ACP3: variants seen among roughly 807,000 people sequenced by gnomAD.
ACP3 encodes the protein prostatic acid phosphatase.
A neutral mutation model predicts 45.6 loss-of-function variants in ACP3; 38 were observed. The observed-to-expected ratio is 0.83, with a 90% CI of 0.64 to 1.09. ACP3 has a LOEUF of 1.09. ACP3 is among the 50% of genes least tolerant of loss of function. The probability of loss-of-function intolerance (pLI) is 0.00; values close to 1 mark genes in which losing one functional copy is unlikely to be tolerated. For synonymous variants in ACP3, 162 were observed against 164.7 expected (o/e 0.98, Z 0.13); for missense variants, 466 against 463.2 (o/e 1.01, Z -0.05).
At chr3:132,360,932 C>T (rs913624108), downstream of ACP3, among the ~76,000 whole-genome samples, 4 of 152,170 alleles carry the variant, frequency 2.6e-5, no homozygotes, top group Non-Finnish European at 5.9e-5. Flanking sequence ...ACATGTCCAG[C>T]CCTGCATACC....
At chr3:132,328,203 T>C (rs1937333489) in intron 1 of ACP3, 64 bp from the exon 2 acceptor site, 4 of 1,310,688 alleles carry the variant, frequency 3.1e-6, no homozygotes, top group East Asian at 2.4e-5. Flanking sequence ...AAAACTATTA[T>C]AATGAGCAGA....
intron 9 of ACP3, among the ~76,000 whole-genome samples, chr3:132,354,187 C>T (rs1559842413): frequency 6.6e-6 from 1 of 152,140 alleles, no homozygotes; most frequent in African/African-American, 2.4e-5. Context: ...TTAATAAATC[C>T]AACCAAATTC....
chr3:132,332,508 T>A, intron 4 of ACP3, 164 bp downstream of exon 4: 1 of 854,552 alleles, frequency 1.2e-6, no homozygotes, highest in Non-Finnish European at 1.7e-6. Context: ...TGGAAAACCC[T>A]AGCTAAGAGA....
rs538312809 is a variant in ACP3, at chr3:132,358,567, T to A, written c.*1689T>A. ...AGATGGTTTCTACTGGCTGCCAGAA[T>A]CTAGAGCAAAGCCATCCCCGCTCCT... is the stretch of plus-strand genomic sequence containing the variant. On this transcript the variant is annotated 3_prime_UTR_variant, in exon 10 of 10. Coordinates refer to ENST00000336375, the MANE Select transcript of ACP3 (RefSeq NM_001099.5). 1 of 1,148,342 alleles carries A rather than the reference T, an allele frequency of 8.7e-7. No individual in the cohort carries two copies. Among genetic ancestry groups the A allele is most frequent in the Admixed American group, 3.1e-5 (1 of 32,444 alleles). The allele number at this position is 1,148,342 out of a possible 1,614,324, so 71.1% of individuals were successfully genotyped here. A position where few individuals can be genotyped will look rare whatever the true frequency, so the allele number is the denominator to read the frequency against.
At chr3:132,359,535 T>C (rs1331125869), downstream of ACP3, among the ~76,000 whole-genome samples, 5 of 151,272 alleles carry the variant, frequency 3.3e-5, no homozygotes, top group Admixed American at 1.3e-4. Flanking sequence ...ATAAATAAAT[T>C]TGTTACCTTT....
At chr3:132,348,450 G>A (rs1937642643) in intron 7 of ACP3, among the ~76,000 whole-genome samples, 1 of 152,072 alleles carries the variant, frequency 6.6e-6, no homozygotes, top group African/African-American at 2.4e-5. Flanking sequence ...CAGAGCCTGA[G>A]GATAATCATG....
At chr3:132,364,751 T>C (rs1938102138) in intron 10 of ACP3, among the ~76,000 whole-genome samples, 1 of 152,184 alleles carries the variant, frequency 6.6e-6, no homozygotes, top group African/African-American at 2.4e-5. Context: ...GCTCACCACA[T>C]GTCTAGAAAG....
At position 132,357,073 on chromosome 3, in the gene ACP3, A is replaced by G. The variant is rs1937924011; in HGVS notation, c.*195A>G. On this transcript the variant is annotated 3_prime_UTR_variant, in exon 10 of 10. Coordinates refer to ENST00000336375, the MANE Select transcript of ACP3 (RefSeq NM_001099.5). ...CCTGCCCCCACTTGCCATAAAACTT[A>G]GCTAAGTTTTGTTTTGTTTTTCAGC... The G allele has an allele frequency of 7.5e-7, 1 of 1,331,518 alleles. No individual in the cohort carries two copies. Among genetic ancestry groups the G allele is most frequent in the African/African-American group, 1.5e-5 (1 of 67,582 alleles). 82.5% of individuals were successfully genotyped at this position (1,331,518 alleles called of 1,614,324 possible). A position where few individuals can be genotyped will look rare whatever the true frequency, so the allele number is the denominator to read the frequency against.
rs1937401588 is a variant in ACP3 at position 132,331,704 on chromosome 3, T to A, written c.274T>A (p.Phe92Ile). 1 of 1,608,732 alleles carries A rather than the reference T, an allele frequency of 6.2e-7. No individual in the cohort carries two copies. The highest frequency in any genetic ancestry group is 1.7e-5 in the Admixed American group (1 of 58,794). Residue 92 changes from phenylalanine to isoleucine, a missense_variant, in exon 3 of 10, where the codon TTC (phenylalanine) becomes ATC (isoleucine). Phe to Ile is a conservative substitution (Grantham distance 21, BLOSUM62 0). Coordinates refer to ENST00000336375, the MANE Select transcript of ACP3 (RefSeq NM_001099.5). Reference protein sequence around the residue: ...GEYIRKRYRKFLNESYKHEQV... With the variant: ...GEYIRKRYRKILNESYKHEQV... ...GTATATAAGAAAGAGATATAGAAAA[T>A]TCTTGAATGAGTCCTATAAACATGA...
At chr3:132,350,080 T>A in intron 8 of ACP3, 78 bp downstream of exon 8, 1 of 1,027,228 alleles carries the variant, frequency 9.7e-7, no homozygotes, top group East Asian at 2.4e-5. Flanking sequence ...CATCTTTTTT[T>A]AATCTTCATT....
intron 7 of ACP3, among the ~76,000 whole-genome samples, chr3:132,349,189 T>TA (rs1338064832): frequency 2.0e-5 from 3 of 152,158 alleles, no homozygotes; most frequent in Non-Finnish European, 2.9e-5. Flanking sequence ...ATAGGATAAA[T>TA]ACTGTAAGCT....
chr3:132,333,874 C>T (rs1245092358), intron 4 of ACP3, among the ~76,000 whole-genome samples: 1 of 152,126 alleles, frequency 6.6e-6, no homozygotes, highest in Non-Finnish European at 1.5e-5. Context: ...AGTTCGAGAC[C>T]AGCCTGGCTA....
chr3:132,350,896 G>C (rs979951224), intron 8 of ACP3, among the ~76,000 whole-genome samples: 8 of 152,114 alleles, frequency 5.3e-5, no homozygotes, highest in Non-Finnish European at 1.2e-4. Flanking sequence ...GGTGTAGAAA[G>C]CTTTTGTGAT....
chr3:132,325,515 C>T (rs1464407394), intron 1 of ACP3, among the ~76,000 whole-genome samples: 1 of 151,156 alleles, frequency 6.6e-6, no homozygotes, highest in Admixed American at 6.6e-5. Context: ...AACCTCAGTT[C>T]TATTCTTTCA....
intron 4 of ACP3, among the ~76,000 whole-genome samples, chr3:132,333,251 G>A (rs183917098): frequency 7.2e-5 from 11 of 152,332 alleles, no homozygotes; most frequent in Admixed American, 6.5e-4. Flanking sequence ...TGTTTACACA[G>A]GTTGGGACCG....
Position 132,357,330 on chromosome 3 carries a change from G to A in ACP3, c.*452G>A. 1.0e-6 allele frequency: 1 copy of A among 985,782 alleles called. No individual in the cohort carries two copies. The highest frequency in any genetic ancestry group is 1.2e-6 in the Non-Finnish European group (1 of 830,202). The allele number at this position is 985,782 out of a possible 1,614,324, so 61.1% of individuals were successfully genotyped here. A position where few individuals can be genotyped will look rare whatever the true frequency, so the allele number is the denominator to read the frequency against. The stretch of plus-strand genomic sequence containing the variant: ...GATGGGAACAAGGAAGGAAAGATGT[G>A]AATAGGCTGATGGGCAAAAAACCAA... On this transcript the variant is annotated 3_prime_UTR_variant, in exon 10 of 10. Coordinates refer to ENST00000336375, the MANE Select transcript of ACP3 (RefSeq NM_001099.5).
At chr3:132,325,090 A>G (rs548984333) in intron 1 of ACP3, among the ~76,000 whole-genome samples, 1 of 152,376 alleles carries the variant, frequency 6.6e-6, no homozygotes, top group South Asian at 2.1e-4. Flanking sequence ...TTGGTAGAGC[A>G]GCAGTTAAGA....
intron 7 of ACP3, among the ~76,000 whole-genome samples, chr3:132,349,349 G>A (rs1417645414): frequency 6.6e-6 from 1 of 152,148 alleles, no homozygotes; most frequent in Non-Finnish European, 1.5e-5. Context: ...GACACCTAGG[G>A]TAACCTGGAG....
chr3:132,347,844 TACACAC>T (rs112045628), intron 7 of ACP3, among the ~76,000 whole-genome samples: 1 of 144,906 alleles, frequency 6.9e-6, no homozygotes, highest in South Asian at 2.2e-4. Flanking sequence ...CACACACACA[TACACAC>T]ACACACACAC....
Sources: gnomAD v4.1 joint callset for allele counts (sites outside exome capture counted in the v4.1 genomes callset) on GRCh38, gnomAD v4.1.1 for gene constraint, MANE v1.5 for transcripts, NCBI Gene and HGNC (gene_info 2026-07-23, HGNC 2026-07-21) for gene names.